GDAP1: variants seen among roughly 807,000 people sequenced by gnomAD.
The protein encoded by GDAP1 is ganglioside-induced differentiation-associated protein 1.
GDAP1 carries 34 observed loss-of-function variants against 40.1 expected under a neutral mutation model. That is an observed-to-expected ratio of 0.85 (90% CI 0.64 to 1.13). GDAP1 has a LOEUF of 1.13. Ranked by LOEUF, GDAP1 falls within the 50% of genes most tolerant of loss-of-function variation. The pLI is 0.00. For missense variants in GDAP1, 374 were observed against 433.7 expected (o/e 0.86, Z 1.22); for synonymous variants, 170 against 157.4 (o/e 1.08, Z -0.60).
chr8:74,423,421 C>T (rs1805907436), intron 2 of GDAP1, among the ~76,000 whole-genome samples: 1 of 145,810 alleles, frequency 6.9e-6, no homozygotes, highest in African/African-American at 2.5e-5. Context: ...AGTATATATA[C>T]TATTTATTGT....
At chr8:74,447,549 A>G (rs1295154575) in intron 2 of GDAP1, among the ~76,000 whole-genome samples, 2 of 152,118 alleles carry the variant, frequency 1.3e-5, no homozygotes, top group Non-Finnish European at 2.9e-5. Flanking sequence ...GGCACACAAC[A>G]CACAGTTTCT....
intron 2 of GDAP1, among the ~76,000 whole-genome samples, chr8:74,373,266 T>G (rs201756113): frequency 6.1e-4 from 93 of 152,338 alleles, no homozygotes; most frequent in East Asian, 5.8e-3. Context: ...ATATGAACTT[T>G]AAAGTAGTTT....
chr8:74,470,993 T>G (rs560434988), intron 2 of GDAP1, among the ~76,000 whole-genome samples: 19 of 152,336 alleles, frequency 1.2e-4, no homozygotes, highest in East Asian at 5.8e-4. Flanking sequence ...GCATTTCTCT[T>G]ATGGCCAGTG....
intron 2 of GDAP1, among the ~76,000 whole-genome samples, chr8:74,382,651 A>G (rs1809971585): frequency 6.6e-6 from 1 of 152,130 alleles, no homozygotes; most frequent in South Asian, 2.1e-4. Context: ...TACTGAATAC[A>G]TGACTTAGAT....
intron 2 of GDAP1, among the ~76,000 whole-genome samples, chr8:74,357,643 G>A (rs1809164117): frequency 6.6e-6 from 1 of 152,134 alleles, no homozygotes; most frequent in Non-Finnish European, 1.5e-5. Context: ...CGGCAAGTCG[G>A]ATCTTGTGCC....
At chr8:74,452,474 A>T in intron 2 of GDAP1, among the ~76,000 whole-genome samples, 1 of 81,214 alleles carries the variant, frequency 1.2e-5, no homozygotes, top group Non-Finnish European at 2.5e-5. Flanking sequence ...TATTACCATT[A>T]CTCTTTGTTG....
intron 2 of GDAP1, among the ~76,000 whole-genome samples, chr8:74,352,423 T>C (rs78092780): frequency 7.0e-6 from 1 of 143,048 alleles, no homozygotes; most frequent in Non-Finnish European, 1.5e-5. Flanking sequence ...ATAGGGTAGG[T>C]GAAAGCAGAA....
Position 74,379,749 on chromosome 8 carries a change from G to A in GDAP1, c.165+28428G>A, listed in dbSNP as rs550864797. ...TGTCAAGCTGGTCCTCTTTTGTGGTGACAGGTTAATTGGACTTGGATAGAG... is the reference window on the plus strand; with the variant it reads ...TGTCAAGCTGGTCCTCTTTTGTGGTAACAGGTTAATTGGACTTGGATAGAG... On this transcript the variant is annotated intron_variant, in intron 2 of 2. Transcript: ENST00000523640. Among the ~76,000 whole-genome samples the A allele has an allele frequency of 8.0e-4, 122 of 152,268 alleles. 5 individuals carry two copies. In the South Asian group the frequency reaches 0.023, roughly 29 times the overall value.
chr8:74,377,204 A>G (rs111530451), intron 2 of GDAP1, among the ~76,000 whole-genome samples: 211 of 140,010 alleles, frequency 1.5e-3, no homozygotes, highest in African/African-American at 5.1e-3. Context: ...ATTAGATGTT[A>G]TCAAAGTTAT....
At chr8:74,487,192 C>T (rs191839359) in intron 2 of GDAP1, among the ~76,000 whole-genome samples, 82 of 152,006 alleles carry the variant, frequency 5.4e-4, no homozygotes, top group Middle Eastern at 3.4e-3. Context: ...TCCCAGAAAA[C>T]GAAATAGGTC....
chr8:74,429,140 G>C (rs1805994627), intron 2 of GDAP1, among the ~76,000 whole-genome samples: 1 of 152,004 alleles, frequency 6.6e-6, no homozygotes, highest in Admixed American at 6.5e-5. Flanking sequence ...TTGGTTCCAA[G>C]TCTTTGCTAT....
intron 2 of GDAP1, among the ~76,000 whole-genome samples, chr8:74,488,439 C>T (rs1004131468): frequency 6.6e-6 from 1 of 152,080 alleles, no homozygotes; most frequent in Non-Finnish European, 1.5e-5. Context: ...ACTTTCTAAT[C>T]ATACTTGGAC....
chr8:74,452,386 A>G lies in GDAP1; in HGVS notation c.166-36292A>G. Among the ~76,000 whole-genome samples the G allele has an allele frequency of 2.4e-5, 2 of 83,100 alleles. 1 individual carries two copies. The highest frequency in any genetic ancestry group is 1.1e-4 in the African/African-American group (2 of 19,044). The allele number at this position is 83,100 out of a possible 152,430, so 54.5% of individuals were successfully genotyped here. On this transcript the variant is annotated intron_variant, in intron 2 of 2. Transcript: ENST00000523640. ...TTTGGTCCATGTTTCTCTTTCTTCA[A>G]TGCATGGATTTCTAATTACACATAA...
At chr8:74,406,697 A>T (rs1448720887) in intron 2 of GDAP1, among the ~76,000 whole-genome samples, 1 of 150,198 alleles carries the variant, frequency 6.7e-6, no homozygotes, top group Admixed American at 6.6e-5. Context: ...GGTGACATTT[A>T]TAAATGGTGA....
chr8:74,457,739 T>C (rs1806353766), intron 2 of GDAP1, among the ~76,000 whole-genome samples: 1 of 152,014 alleles, frequency 6.6e-6, no homozygotes, highest in Non-Finnish European at 1.5e-5. Context: ...TTAGAGAAAA[T>C]TTCAGCTACT....
At chr8:74,469,483 A>G (rs1806516515) in intron 2 of GDAP1, among the ~76,000 whole-genome samples, 1 of 151,996 alleles carries the variant, frequency 6.6e-6, no homozygotes, top group Admixed American at 6.6e-5. Context: ...CTTGGCTAAC[A>G]CGATGAAACC....
At chr8:74,356,069 G>A (rs185902667) in intron 2 of GDAP1, among the ~76,000 whole-genome samples, 1 of 152,140 alleles carries the variant, frequency 6.6e-6, no homozygotes, top group Non-Finnish European at 1.5e-5. Context: ...ATTTATATTT[G>A]TGTTCATCAA....
intron 2 of GDAP1, among the ~76,000 whole-genome samples, chr8:74,470,728 C>CT (rs1336254985): frequency 6.6e-6 from 1 of 152,186 alleles, no homozygotes; most frequent in South Asian, 2.1e-4. Flanking sequence ...ATGCATGTGT[C>CT]TTTATAGCAG....
At chr8:74,470,674 T>C (rs1401530534) in intron 2 of GDAP1, among the ~76,000 whole-genome samples, 1 of 152,242 alleles carries the variant, frequency 6.6e-6, no homozygotes, top group African/African-American at 2.4e-5. Flanking sequence ...TTGGGTTGGT[T>C]CCAAGTCTTT....
Sources: gnomAD v4.1 joint callset for allele counts (sites outside exome capture counted in the v4.1 genomes callset) on GRCh38, gnomAD v4.1.1 for gene constraint, MANE v1.5 for transcripts, NCBI Gene and HGNC (gene_info 2026-07-23, HGNC 2026-07-21) for gene names.